Variants in MYH15 observed in about 807,000 individuals in gnomAD.
MYH15 encodes the protein myosin heavy chain 15, also known as myosin-15.
MYH15 carries 227 observed loss-of-function variants against 240.5 expected under a neutral mutation model. That is an observed-to-expected ratio of 0.94 (90% CI 0.85 to 1.05). MYH15 has a LOEUF of 1.05. MYH15 is among the 50% of genes least tolerant of loss of function. The pLI is 0.00. For synonymous variants in MYH15, 785 were observed against 796.7 expected, an observed-to-expected ratio of 0.99 and a Z score of 0.25; for missense variants, 2,217 against 2,247.5, an observed-to-expected ratio of 0.99 and a Z score of 0.27.
intron 30 of MYH15, among the ~76,000 whole-genome samples, chr3:108,411,517 G>C (rs2082592804): frequency 6.6e-6 from 1 of 152,120 alleles, no homozygotes; most frequent in African/African-American, 2.4e-5. Context: ...TCACTTAACA[G>C]GTCCTACTGT....
In MYH15 at chr3:108,498,055, C is replaced by T. The variant is rs762641127; in HGVS notation, c.615G>A (p.Lys205=). The T allele has an allele frequency of 6.2e-7, 1 of 1,613,842 alleles. No homozygotes were observed. The highest frequency in any genetic ancestry group is 8.5e-7 in the Non-Finnish European group (1 of 1,179,790). ...TIAAMIESRK[K]QGALEDQIMQ... ...ACCAAGCTATATAAACACTTACCTGCTTTTTCCTGGATTCAATCATGGCTG... is the reference window on the plus strand; with the variant it reads ...ACCAAGCTATATAAACACTTACCTGTTTTTTCCTGGATTCAATCATGGCTG... The change falls in exon 6 of 41, where the codon AAG becomes AAA. Residue 205 remains lysine, a synonymous_variant. Transcript: ENST00000693548.
rs1301385863 is a variant in MYH15 at position 108,510,037 on chromosome 3, T to C, written c.88+406A>G. Among the ~76,000 whole-genome samples, 6 of 152,170 alleles carry C rather than the reference T, an allele frequency of 3.9e-5. No homozygotes were observed. In the East Asian group the frequency reaches 1.2e-3, roughly 29 times the overall value. ...TTACCAGAGTCTTTCCCTTTCTTCT[T>C]CCCCACAATGTACAAACCCCACCCA... On this transcript the variant is annotated intron_variant, in intron 1 of 40. Transcript: ENST00000693548.
intron 11 of MYH15, among the ~76,000 whole-genome samples, chr3:108,484,014 C>T (rs1280321109): frequency 1.3e-5 from 2 of 152,150 alleles, no homozygotes; most frequent in African/African-American, 2.4e-5. Context: ...TTGCTAATTA[C>T]ACAACAATGT....
Position 108,464,657 on chromosome 3 carries a change from A to C in MYH15, c.1712T>G (p.Leu571Arg), listed in dbSNP as rs1477451563. Residue 571 changes from leucine (L) to arginine (R), a missense_variant, in exon 15 of 41, where the codon CTT becomes CGT. Transcript: ENST00000693548. ...DKKKFEAHFE[L>R]VHYAGVVPYN... ...ACTCACCACTCCTGCATAATGGACAAGTTCAAAATGAGCTTCAAATTTCTT... is the reference window on the plus strand; with the variant it reads ...ACTCACCACTCCTGCATAATGGACACGTTCAAAATGAGCTTCAAATTTCTT... 1 of 1,612,720 alleles carries C rather than the reference A, an allele frequency of 6.2e-7. No individual in the cohort carries two copies. Among genetic ancestry groups the C allele is most frequent in the East Asian group, 2.2e-5 (1 of 44,850 alleles).
rs115223111 is a variant in MYH15 at position 108,504,981 on chromosome 3, A to G, written c.195+742T>C. 8.0e-3 allele frequency among the ~76,000 whole-genome samples: 1,214 copies of G among 152,260 alleles called. 8 individuals are homozygous for G. The highest frequency in any genetic ancestry group is 0.014 in the Non-Finnish European group (945 of 68,012). ...CCAACTCTTAATCTTCTTCTGTGGC[A>G]TTTGTCATTACTGGCCATTCCCCCA... On this transcript the variant is annotated intron_variant, in intron 2 of 40. Transcript: ENST00000693548.
At chr3:108,506,867 C>T (rs1358638110) in intron 1 of MYH15, among the ~76,000 whole-genome samples, 2 of 152,106 alleles carry the variant, frequency 1.3e-5, no homozygotes, top group African/African-American at 4.8e-5. Context: ...CCCATTTCTA[C>T]TAAAAATACA....
chr3:108,514,949 TTCA>T (rs1046477532), upstream of MYH15, among the ~76,000 whole-genome samples: 4 of 152,176 alleles, frequency 2.6e-5, no homozygotes, highest in African/African-American at 7.2e-5. Context: ...CCACATTCAA[TTCA>T]TCGTCAACTT....
rs1161585435 is a variant in MYH15, at chr3:108,463,694, T to C, written c.1732-451A>G. ...CCTTTACCTTTAAATCAGTTTAATG[T>C]AATAGTACAGAATAACCTCCAAAAG... On this transcript the variant is annotated intron_variant, in intron 15 of 40. Coordinates refer to ENST00000693548, the MANE Select transcript of MYH15 (RefSeq NM_014981.3). 2.6e-5 allele frequency among the ~76,000 whole-genome samples: 4 copies of C among 152,086 alleles called. No individual in the cohort carries two copies. The East Asian group carries it at 7.7e-4, about 29-fold the overall frequency.
At chr3:108,385,924 A>T (rs1282061465) in intron 38 of MYH15, among the ~76,000 whole-genome samples, 1 of 151,908 alleles carries the variant, frequency 6.6e-6, no homozygotes, top group Non-Finnish European at 1.5e-5. Context: ...ACACACCACC[A>T]CCTTAAAGTA....
At chr3:108,470,249 A>G (rs1417567269) in intron 13 of MYH15, 37 bp from the exon 14 acceptor site, 3 of 1,457,088 alleles carry the variant, frequency 2.1e-6, no homozygotes, top group Middle Eastern at 3.8e-4. Context: ...AAGAGATAAA[A>G]ATAAAATTGA....
chr3:108,414,442 A>G lies in MYH15; in HGVS notation c.3949-14T>C. On this transcript the variant is annotated splice_polypyrimidine_tract_variant and intron_variant, in intron 29 of 40. Transcript: ENST00000693548. ...GGCACTCTGGGACTGTAGGGGACAC[A>G]CATTAACAAAAAGGTCATGACCACC... 6.2e-7 allele frequency: 1 copy of G among 1,601,494 alleles called. No homozygotes were observed.
chr3:108,428,708 T>A lies in MYH15; in HGVS notation c.3486A>T (p.Lys1162Asn). The A allele has an allele frequency of 6.2e-7, 1 of 1,613,944 alleles. No individual in the cohort carries two copies. Among genetic ancestry groups the A allele is most frequent in the Non-Finnish European group, 8.5e-7 (1 of 1,179,980 alleles). Residue 1162 changes from lysine to asparagine, a missense_variant, in exon 27 of 41, where the codon AAA becomes AAT. Lys to Asn is a moderately conservative substitution (Grantham distance 94, BLOSUM62 0). Transcript: ENST00000693548. ...CCATGTCTCGGTGCAGCTTCTGGAA[T>A]TTGGTTTCCTGTTTCTTAGTTATTT... Reference protein sequence around the residue: ...QLEITKKQETKFQKLHRDMEE... With the variant: ...QLEITKKQETNFQKLHRDMEE...
intron 28 of MYH15, among the ~76,000 whole-genome samples, chr3:108,420,303 C>G (rs965352440): frequency 6.6e-6 from 1 of 152,158 alleles, no homozygotes; most frequent in African/African-American, 2.4e-5. Context: ...TATATTCTGA[C>G]AGATGGAGAC....
chr3:108,399,329 G>T, intron 33 of MYH15, 62 bp from the exon 34 acceptor site: 1 of 1,351,094 alleles, frequency 7.4e-7, no homozygotes, highest in Non-Finnish European at 1.0e-6. Flanking sequence ...AAATTCACCT[G>T]CTATGTTTAA....
intron 35 of MYH15, among the ~76,000 whole-genome samples, chr3:108,395,573 G>A (rs2107538581): frequency 6.6e-6 from 1 of 151,828 alleles, no homozygotes; most frequent in East Asian, 1.9e-4. Context: ...AAATTTGCTA[G>A]GGAGACAAGG....
In MYH15 at chr3:108,500,189, C is replaced by T; in HGVS notation, c.425G>A (p.Gly142Glu). Residue 142 changes from glycine (G) to glutamate (E), a missense_variant, in exon 4 of 41, where the codon GGG (glycine) becomes GAG (glutamate). Physicochemically the swap from Gly to Glu is moderately conservative, Grantham distance 98. Coordinates refer to ENST00000693548, the MANE Select transcript of MYH15 (RefSeq NM_014981.3). ...AGGGGGAGCCTCTGATCGCCTCTTC[C>T]CTTTGTAGGCGGCCATGACTTCTTT... ...YQKEVMAAYKGKRRSEAPPHI... is the reference protein window; with the variant it reads ...YQKEVMAAYKEKRRSEAPPHI... 3 of 1,614,050 alleles carry T rather than the reference C, an allele frequency of 1.9e-6. No individual in the cohort carries two copies. Among genetic ancestry groups the T allele is most frequent in the Middle Eastern group, 1.6e-4 (1 of 6,062 alleles).
In MYH15 at chr3:108,447,225, T is replaced by C. The variant is rs77071882; in HGVS notation, c.2400-2330A>G. Among the ~76,000 whole-genome samples, 624 of 152,216 alleles carry C rather than the reference T, an allele frequency of 4.1e-3. 8 individuals are homozygous for C. Among genetic ancestry groups the C allele is most frequent in the African/African-American group, 0.014 (601 of 41,516 alleles). On this transcript the variant is annotated intron_variant, in intron 21 of 40. Transcript: ENST00000693548. ...GAATGAAGAATGCCTACAGCACTTGTAGGACATCGGCAAGCTTACCAATAT... is the reference window on the plus strand; with the variant it reads ...GAATGAAGAATGCCTACAGCACTTGCAGGACATCGGCAAGCTTACCAATAT...
intron 32 of MYH15, among the ~76,000 whole-genome samples, chr3:108,405,726 C>T (rs1044368119): frequency 2.0e-5 from 3 of 152,156 alleles, no homozygotes; most frequent in African/African-American, 7.2e-5. Flanking sequence ...TCACTCTTGT[C>T]TGTGACTATA....
chr3:108,518,122 C>T (rs1318160161), intron 1 of MYH15, among the ~76,000 whole-genome samples: 2 of 152,082 alleles, frequency 1.3e-5, no homozygotes, highest in African/African-American at 4.8e-5. Flanking sequence ...TATCACACAC[C>T]AGGAACTAGG....
Sources: gnomAD v4.1 joint callset for allele counts (sites outside exome capture counted in the v4.1 genomes callset) on GRCh38, gnomAD v4.1.1 for gene constraint, MANE v1.5 for transcripts, NCBI Gene and HGNC (gene_info 2026-07-23, HGNC 2026-07-21) for gene names.